ABCA3: variants seen among roughly 807,000 people sequenced by gnomAD.
ABCA3 encodes the protein phospholipid-transporting ATPase ABCA3.
ABCA3 carries 88 observed loss-of-function variants against 172.8 expected under a neutral mutation model. The ratio of observed to expected loss-of-function variants is 0.51; its 90% CI spans 0.43 to 0.61. ABCA3 has a LOEUF of 0.61. Ranked by LOEUF, ABCA3 falls within the 20% of genes least tolerant of loss-of-function variation. The pLI, the probability that ABCA3 is intolerant of heterozygous loss-of-function variation, is 0.00. For missense variants in ABCA3, 2,164 were observed against 2,301.0 expected, an observed-to-expected ratio of 0.94 and a Z score of 1.22; for synonymous variants, 1,066 against 983.8, an observed-to-expected ratio of 1.08 and a Z score of -1.56.
At chr16:2,313,552 CAAAAA>C (rs56389139) in intron 10 of ABCA3, among the ~76,000 whole-genome samples, 1 of 61,904 alleles carries the variant, frequency 1.6e-5, no homozygotes. Context: ...GACTCTGTCA[CAAAAA>C]AAAAAAAAAA....
chr16:2,330,923 G>A (rs189094291), intron 1 of ABCA3, among the ~76,000 whole-genome samples: 50 of 151,842 alleles, frequency 3.3e-4, no homozygotes, highest in Middle Eastern at 3.4e-3. Context: ...GGATGGTCTC[G>A]ATCTCCTGAC....
In ABCA3 at chr16:2,299,989, C is replaced by T. The variant is rs747844072; in HGVS notation, c.1611+16G>A. 3.1e-6 allele frequency: 5 copies of T among 1,612,248 alleles called. No homozygotes were observed. The highest frequency in any genetic ancestry group is 1.1e-5 in the South Asian group (1 of 91,060). ...CTGGCAGCCCCGGCCCTCCCTGTCC[C>T]CACAGGAGGCGGCACCTTGGACAGG... On this transcript the variant is annotated intron_variant, in intron 13 of 32. Coordinates refer to ENST00000301732, the MANE Select transcript of ABCA3 (RefSeq NM_001089.3).
intron 12 of ABCA3, among the ~76,000 whole-genome samples, chr16:2,301,212 C>G (rs1372880574): frequency 7.0e-6 from 1 of 143,140 alleles, no homozygotes; most frequent in East Asian, 2.0e-4. Context: ...GCCTGGGCGA[C>G]AGAGCGAGAC....
intron 18 of ABCA3, among the ~76,000 whole-genome samples, chr16:2,294,849 G>A (rs2093677313): frequency 6.6e-6 from 1 of 152,078 alleles, no homozygotes. Flanking sequence ...CGGGTGTGGT[G>A]GTGCACGCCT....
At chr16:2,303,919 C>G in intron 12 of ABCA3, 50 bp downstream of exon 12, 1 of 1,607,774 alleles carries the variant, frequency 6.2e-7, no homozygotes, top group Non-Finnish European at 8.5e-7. Flanking sequence ...ACTGGGGACA[C>G]CTCTGCACTC....
chr16:2,295,800 C>A, intron 17 of ABCA3, 60 bp from the exon 18 acceptor site: 1 of 1,610,326 alleles, frequency 6.2e-7, no homozygotes, highest in Non-Finnish European at 8.5e-7. Context: ...TTCATGCCCA[C>A]CCCGGGGTCT....
At chr16:2,304,545 C>T (rs2093694551) in intron 11 of ABCA3, among the ~76,000 whole-genome samples, 1 of 122,258 alleles carries the variant, frequency 8.2e-6, no homozygotes, top group Non-Finnish European at 1.6e-5. Context: ...CTTGCTCTGT[C>T]GCCCAGGCAG....
At chr16:2,317,501 G>C in intron 9 of ABCA3, 98 bp from the exon 10 acceptor site, 4 of 1,595,912 alleles carry the variant, frequency 2.5e-6, no homozygotes, top group Non-Finnish European at 1.7e-6. Flanking sequence ...GCTCCACCGA[G>C]AGGAGTGGGA....
chr16:2,286,731 G>T lies in ABCA3; in HGVS notation c.3241C>A (p.Arg1081=), dbSNP rs369277188. The T allele has an allele frequency of 1.2e-6, 2 of 1,613,726 alleles. No homozygotes were observed. The highest frequency in any genetic ancestry group is 2.7e-5 in the African/African-American group (2 of 74,926). The change falls in exon 22 of 33, where the codon CGG becomes AGG. Residue 1081 remains arginine (R), a synonymous_variant. Transcript: ENST00000301732. The surrounding 1 kb of genome is among the most constrained non-coding windows in gnomAD (Gnocchi z 5.2). ...TCCTTGGCAGCCTGCAGGGCGCTCCGGGGCTGGGGGAAGTTGGAGACCACA... is the reference window on the plus strand; with the variant it reads ...TCCTTGGCAGCCTGCAGGGCGCTCCTGGGCTGGGGGAAGTTGGAGACCACA... ...SIVVSNFPQP[R]SALQAAKDQF...
intron 10 of ABCA3, among the ~76,000 whole-genome samples, chr16:2,309,043 T>C (rs1294170429): frequency 6.6e-6 from 1 of 152,128 alleles, no homozygotes; most frequent in Non-Finnish European, 1.5e-5. Context: ...CCTCCTGGGT[T>C]CACGCCATTC....
chr16:2,316,756 G>A (rs1177359879), intron 10 of ABCA3, among the ~76,000 whole-genome samples: 1 of 151,792 alleles, frequency 6.6e-6, no homozygotes, highest in Non-Finnish European at 1.5e-5. Context: ...GAGGAGCCTG[G>A]GCATACTGAA....
intron 11 of ABCA3, among the ~76,000 whole-genome samples, chr16:2,305,526 A>G (rs1397647420): frequency 1.3e-5 from 2 of 151,514 alleles, no homozygotes; most frequent in South Asian, 2.1e-4. Flanking sequence ...CGATCTCTTG[A>G]CCCCATGACC....
Position 2,319,845 on chromosome 16 carries a change from G to A in ABCA3, c.614-5C>T. 6.2e-7 allele frequency: 1 copy of A among 1,613,498 alleles called. No homozygotes were observed. The highest frequency in any genetic ancestry group is 8.5e-7 in the Non-Finnish European group (1 of 1,180,020). On this transcript the variant is annotated splice_region_variant and splice_polypyrimidine_tract_variant and intron_variant, in intron 7 of 32. Coordinates refer to ENST00000301732, the MANE Select transcript of ABCA3 (RefSeq NM_001089.3). ...GGAAGCCTTCCCGGATGTACCCTGG[G>A]TGCGGGAGCAGAGGATGGCCCAGCC...
At chr16:2,338,953 G>T (rs1055732774) in intron 1 of ABCA3, among the ~76,000 whole-genome samples, 2 of 151,622 alleles carry the variant, frequency 1.3e-5, no homozygotes, top group African/African-American at 4.9e-5. Context: ...ATGAGGTTTC[G>T]CCATGTTGGC....
In ABCA3 at chr16:2,297,685, C is replaced by A; in HGVS notation, c.2052+81G>T. The A allele has an allele frequency of 6.3e-7, 1 of 1,598,262 alleles. No individual in the cohort carries two copies. The highest frequency in any genetic ancestry group is 8.5e-7 in the Non-Finnish European group (1 of 1,178,056). ...TGGCCTTGTCTGGGGTGTCAAGGGCCAAGGTGCCCGGGCCATGGCGGAAGG... is the reference window on the plus strand; with the variant it reads ...TGGCCTTGTCTGGGGTGTCAAGGGCAAAGGTGCCCGGGCCATGGCGGAAGG... On this transcript the variant is annotated intron_variant, in intron 16 of 32. Coordinates refer to ENST00000301732, the MANE Select transcript of ABCA3 (RefSeq NM_001089.3). The surrounding 1 kb of genome is among the most constrained non-coding windows in gnomAD (Gnocchi z 5.6).
At chr16:2,317,156 T>C (rs2093717201) in intron 10 of ABCA3, 127 bp downstream of exon 10, 1 of 1,405,914 alleles carries the variant, frequency 7.1e-7, no homozygotes, top group Non-Finnish European at 9.9e-7. Flanking sequence ...AACCTTCCCC[T>C]GGTCAGCTCC....
chr16:2,323,404 C>G (rs1354763892), intron 7 of ABCA3, 119 bp downstream of exon 7: 25 of 1,364,738 alleles, frequency 1.8e-5, no homozygotes, highest in Non-Finnish European at 2.6e-5. Flanking sequence ...TGGAACCAAG[C>G]CAAATGTCCT....
chr16:2,333,887 A>G (rs1359746814), intron 1 of ABCA3, among the ~76,000 whole-genome samples: 1 of 151,838 alleles, frequency 6.6e-6, no homozygotes, highest in African/African-American at 2.4e-5. Flanking sequence ...ACAGGGTTTC[A>G]CCATGCTGGC....
rs548431800 is a variant in ABCA3 at position 2,298,174 on chromosome 16, C to T, written c.1896+212G>A. On this transcript the variant is annotated intron_variant, in intron 15 of 32. Coordinates refer to ENST00000301732, the MANE Select transcript of ABCA3 (RefSeq NM_001089.3). ...TCTGGTAAGAGGAACCTCTCCTTGACGTAGCTGGGGAGATGCAGGGCTCCT... is the reference window on the plus strand; with the variant it reads ...TCTGGTAAGAGGAACCTCTCCTTGATGTAGCTGGGGAGATGCAGGGCTCCT... 1.3e-3 allele frequency among the ~76,000 whole-genome samples: 121 copies of T among 89,698 alleles called. 5 individuals are homozygous for T. Among genetic ancestry groups the T allele is most frequent in the African/African-American group, 3.1e-3 (110 of 35,770 alleles). The allele number at this position is 89,698 out of a possible 152,430, so 58.8% of individuals were successfully genotyped here.
Sources: gnomAD v4.1 joint callset for allele counts (sites outside exome capture counted in the v4.1 genomes callset) on GRCh38, gnomAD v4.1.1 for gene constraint, Gnocchi (gnomAD v3.1) non-coding constraint, MANE v1.5 for transcripts, NCBI Gene and HGNC (gene_info 2026-07-23, HGNC 2026-07-21) for gene names.